TDRP: variants seen among roughly 807,000 people sequenced by gnomAD.
TDRP encodes the protein testis development related protein.
TDRP carries 12 observed loss-of-function variants against 10.5 expected under a neutral mutation model. That is an observed-to-expected ratio of 1.15 (90% CI 0.73 to 1.86). The LOEUF (loss-of-function observed/expected upper bound fraction) is 1.86. Among genes scored for constraint, TDRP ranks in the 40% most tolerant of loss-of-function variants. The pLI, the probability that TDRP is intolerant of heterozygous loss-of-function variation, is 0.00. For missense variants in TDRP, 353 were observed against 229.2 expected (o/e 1.54, Z -3.49); for synonymous variants, 139 against 95.4 (o/e 1.46, Z -2.67).
At chr8:520,519 TAC>T (rs1202539496) in intron 1 of TDRP, among the ~76,000 whole-genome samples, 4 of 152,310 alleles carry the variant, frequency 2.6e-5, no homozygotes, top group South Asian at 2.1e-4. Flanking sequence ...TAAATCTCTA[TAC>T]AGTTTTCCAC....
rs563545331 is a variant in TDRP at position 490,899 on chromosome 8, T to C, written c.*1500A>G. The C allele has an allele frequency of 9.7e-4, 147 of 152,230 alleles. No homozygotes were observed. Among genetic ancestry groups the C allele is most frequent in the African/African-American group, 3.2e-3 (133 of 41,536 alleles). 9.4% of individuals were successfully genotyped at this position (152,230 alleles called of 1,614,324 possible). A position where few individuals can be genotyped will look rare whatever the true frequency, so the allele number is the denominator to read the frequency against. On this transcript the variant is annotated 3_prime_UTR_variant, in exon 3 of 3. Transcript: ENST00000324079. The stretch of plus-strand genomic sequence containing the variant: ...TTCTATTAAAAAAAAAAGTAGATGA[T>C]TGACAGAAGGCTAGATGGATGTAGA...
intron 1 of TDRP, among the ~76,000 whole-genome samples, chr8:524,907 G>A (rs115271371): frequency 6.6e-6 from 1 of 152,144 alleles, no homozygotes; most frequent in Non-Finnish European, 1.5e-5. Flanking sequence ...TTCAAAGGGA[G>A]AGTAACAGAG....
intron 1 of TDRP, among the ~76,000 whole-genome samples, chr8:511,494 G>C (rs558208787): frequency 2.0e-5 from 3 of 152,206 alleles, no homozygotes; most frequent in African/African-American, 7.2e-5. Context: ...GACATAAAGG[G>C]AGAACTAGAA....
intron 1 of TDRP, among the ~76,000 whole-genome samples, chr8:496,038 T>C (rs557202228): frequency 9.1e-4 from 139 of 152,346 alleles, no homozygotes; most frequent in Admixed American, 2.7e-3. Flanking sequence ...AGGAGTATGA[T>C]GGCAGTACCC....
At position 524,717 on chromosome 8, in the gene TDRP, G is replaced by C. The variant is rs184239981; in HGVS notation, c.108+19933C>G. On this transcript the variant is annotated intron_variant, in intron 1 of 2. Coordinates refer to ENST00000324079, the MANE Select transcript of TDRP (RefSeq NM_001384899.1). ...AGTAGAATTGATGAGGCAGAAGAAAGAATTAGTGATCTTGAAGACAGGCTA... is the reference window on the plus strand; with the variant it reads ...AGTAGAATTGATGAGGCAGAAGAAACAATTAGTGATCTTGAAGACAGGCTA... Among the ~76,000 whole-genome samples, 278 of 152,296 alleles carry C rather than the reference G, an allele frequency of 1.8e-3. 2 individuals carry two copies. Among genetic ancestry groups the C allele is most frequent in the African/African-American group, 6.5e-3 (271 of 41,588 alleles).
At position 532,974 on chromosome 8, in the gene TDRP, T is replaced by G. The variant is rs149954859; in HGVS notation, c.108+11676A>C. ...TTTACAGTAAAAGTTTGCTGACTCCTGCTCTAGAGCCCTTACTTAAAACAG... is the reference window on the plus strand; with the variant it reads ...TTTACAGTAAAAGTTTGCTGACTCCGGCTCTAGAGCCCTTACTTAAAACAG... On this transcript the variant is annotated intron_variant, in intron 1 of 2. Transcript: ENST00000324079. 6.6e-5 allele frequency among the ~76,000 whole-genome samples: 10 copies of G among 152,310 alleles called. No homozygotes were observed. In the East Asian group the frequency reaches 1.9e-3, roughly 29 times the overall value.
In TDRP at chr8:491,056, G is replaced by C. The variant is rs887429453; in HGVS notation, c.*1343C>G. ...GCTGTTTTTTGCATAACAGATGACA[G>C]ATCAAGTAAACCTGTTCTATTAAAA... On this transcript the variant is annotated 3_prime_UTR_variant, in exon 3 of 3. Coordinates refer to ENST00000324079, the MANE Select transcript of TDRP (RefSeq NM_001384899.1). 1 of 152,242 alleles carries C rather than the reference G, an allele frequency of 6.6e-6. No homozygotes were observed. The highest frequency in any genetic ancestry group is 2.4e-5 in the African/African-American group (1 of 41,452). 9.4% of individuals were successfully genotyped at this position (152,242 alleles called of 1,614,324 possible).
intron 1 of TDRP, among the ~76,000 whole-genome samples, chr8:513,367 G>C (rs1193675773): frequency 1.3e-5 from 2 of 151,996 alleles, no homozygotes. Context: ...CTCAACATCT[G>C]AAAATCCATT....
chr8:496,843 TC>T (rs1224590181), intron 1 of TDRP, among the ~76,000 whole-genome samples: 1 of 152,212 alleles, frequency 6.6e-6, no homozygotes, highest in Non-Finnish European at 1.5e-5. Flanking sequence ...TGAGATCTGA[TC>T]ATTTAAAAGT....
chr8:529,164 A>AC (rs1463121540), intron 1 of TDRP, among the ~76,000 whole-genome samples: 1 of 151,898 alleles, frequency 6.6e-6, no homozygotes, highest in Non-Finnish European at 1.5e-5. Flanking sequence ...TCAAATGTTA[A>AC]CCTCCTTTGG....
At chr8:499,197 G>C (rs1270308861) in intron 1 of TDRP, among the ~76,000 whole-genome samples, 1 of 152,070 alleles carries the variant, frequency 6.6e-6, no homozygotes, top group African/African-American at 2.4e-5. Flanking sequence ...CAAAAAAATA[G>C]TCTCTAGTTT....
At chr8:513,634 C>G (rs1027875693) in intron 1 of TDRP, among the ~76,000 whole-genome samples, 2 of 152,166 alleles carry the variant, frequency 1.3e-5, no homozygotes, top group African/African-American at 4.8e-5. Flanking sequence ...CTATTCAACA[C>G]CGTGCAGATT....
intron 1 of TDRP, among the ~76,000 whole-genome samples, chr8:534,547 G>C (rs913015368): frequency 6.6e-6 from 1 of 152,178 alleles, no homozygotes; most frequent in African/African-American, 2.4e-5. Flanking sequence ...TTGTGCTTGG[G>C]AACACTAGCC....
chr8:515,868 G>C (rs190219893), intron 1 of TDRP, among the ~76,000 whole-genome samples: 65 of 152,112 alleles, frequency 4.3e-4, no homozygotes, highest in African/African-American at 1.4e-3. Flanking sequence ...GAAAATGGGA[G>C]AGCATCAAAG....
chr8:537,250 T>C (rs1261579702), intron 1 of TDRP, among the ~76,000 whole-genome samples: 1 of 152,112 alleles, frequency 6.6e-6, no homozygotes, highest in Non-Finnish European at 1.5e-5. Context: ...TAGGATGAAA[T>C]GGTCCTCCAG....
chr8:513,048 T>A (rs1192606849), intron 1 of TDRP, among the ~76,000 whole-genome samples: 1 of 151,184 alleles, frequency 6.6e-6, no homozygotes, highest in African/African-American at 2.4e-5. Context: ...CAGGCCCAGA[T>A]ATGTTTGCTA....
Position 494,592 on chromosome 8 carries a change from C to T in TDRP, c.114G>A (p.Gln38=). 4 of 1,613,704 alleles carry T rather than the reference C, an allele frequency of 2.5e-6. No homozygotes were observed. Among genetic ancestry groups the T allele is most frequent in the African/African-American group, 1.3e-5 (1 of 75,004 alleles). The change falls in exon 2 of 3, where the codon CAG becomes CAA. Residue 38 remains glutamine, a synonymous_variant. Transcript: ENST00000324079. The part of the protein sequence containing the change: ...AAAAAAQAQV[Q]GASFRGWKEV... ...CTTTCCAACCTCGGAAACTTGCTCC[C>T]TGAACCTAATAAAAGGTTAAGAAAA...
rs13258819 is a variant in TDRP, at chr8:529,636, G to C, written c.108+15014C>G. On this transcript the variant is annotated intron_variant, in intron 1 of 2. Coordinates refer to ENST00000324079, the MANE Select transcript of TDRP (RefSeq NM_001384899.1). ...TTGAAAGATGGTTTTGCCAGCTACAGTATTCTTGGCTGGCTGGGTGTATTT... is the reference window on the plus strand; with the variant it reads ...TTGAAAGATGGTTTTGCCAGCTACACTATTCTTGGCTGGCTGGGTGTATTT... 2.6e-5 allele frequency among the ~76,000 whole-genome samples: 4 copies of C among 152,230 alleles called. No individual in the cohort carries two copies. In the East Asian group the frequency reaches 7.7e-4, roughly 29 times the overall value.
At chr8:521,629 C>T (rs1388402706) in intron 1 of TDRP, among the ~76,000 whole-genome samples, 1 of 152,138 alleles carries the variant, frequency 6.6e-6, no homozygotes, top group Non-Finnish European at 1.5e-5. Context: ...GCTTTCATTA[C>T]TGTACTTGTA....
Sources: allele counts gnomAD v4.1 joint callset (sites outside exome capture counted in the v4.1 genomes callset), GRCh38; gene constraint gnomAD v4.1.1; transcripts MANE v1.5; gene names NCBI Gene and HGNC (gene_info 2026-07-23, HGNC 2026-07-21).